The following PTPRD variants were observed in gnomAD, a reference collection of about 807,000 sequenced individuals.
PTPRD encodes receptor-type tyrosine-protein phosphatase delta.
Under a neutral mutation model 214.5 loss-of-function variants are expected in PTPRD, and 34 were observed. The ratio of observed to expected loss-of-function variants is 0.16; its 90% CI spans 0.12 to 0.21. The LOEUF (loss-of-function observed/expected upper bound fraction) is 0.21. Among genes scored for constraint, PTPRD ranks in the 10% least tolerant of loss-of-function variants. The pLI is 1.00. For missense variants in PTPRD, 2,545 were observed against 2,398.7 expected (o/e 1.06, Z -1.27); for synonymous variants, 1,128 against 845.7 (o/e 1.33, Z -5.79).
At chr9:8,766,975 GTA>G (rs1467330651) in intron 11 of PTPRD, among the ~76,000 whole-genome samples, 1 of 152,124 alleles carries the variant, frequency 6.6e-6, no homozygotes, top group African/African-American at 2.4e-5. Context: ...AGGACTTACT[GTA>G]TATGTTTCCT....
intron 3 of PTPRD, among the ~76,000 whole-genome samples, chr9:10,248,695 T>C (rs1351655293): frequency 6.6e-6 from 1 of 152,080 alleles, no homozygotes; most frequent in Non-Finnish European, 1.5e-5. Context: ...ATGTGAGTTC[T>C]TTAGAATACA....
At chr9:9,776,179 G>A (rs1488924299) in intron 5 of PTPRD, among the ~76,000 whole-genome samples, 1 of 152,028 alleles carries the variant, frequency 6.6e-6, no homozygotes, top group South Asian at 2.1e-4. Context: ...GAATATGTAT[G>A]TTCTCTTTCA....
chr9:10,204,731 T>G (rs2099458753), intron 3 of PTPRD, among the ~76,000 whole-genome samples: 1 of 152,160 alleles, frequency 6.6e-6, no homozygotes. Context: ...AATCTGAGAA[T>G]AAAGCGTATA....
chr9:9,396,604 C>T (rs994805902), intron 9 of PTPRD, among the ~76,000 whole-genome samples: 9 of 151,980 alleles, frequency 5.9e-5, no homozygotes, highest in Non-Finnish European at 1.2e-4. Context: ...TTCCTGCCAA[C>T]CAGCTCCCAC....
chr9:9,508,581 T>G (rs1216177783), intron 8 of PTPRD, among the ~76,000 whole-genome samples: 1 of 151,674 alleles, frequency 6.6e-6, no homozygotes, highest in African/African-American at 2.4e-5. Context: ...TTTTGATGAG[T>G]TTCCCTTGCT....
chr9:10,543,093 C>T (rs546087038), intron 2 of PTPRD, among the ~76,000 whole-genome samples: 9 of 151,916 alleles, frequency 5.9e-5, no homozygotes, highest in Admixed American at 3.9e-4. Flanking sequence ...CCACGTTGGT[C>T]GCACTGGTCC....
intron 8 of PTPRD, among the ~76,000 whole-genome samples, chr9:9,572,795 G>C (rs192464119): frequency 6.6e-6 from 1 of 151,068 alleles, no homozygotes; most frequent in Non-Finnish European, 1.5e-5. Context: ...AGAAATAAGA[G>C]CAAAAACAAA....
At chr9:9,675,431 A>G (rs1007799322) in intron 7 of PTPRD, among the ~76,000 whole-genome samples, 2 of 151,848 alleles carry the variant, frequency 1.3e-5, no homozygotes, top group Non-Finnish European at 2.9e-5. Flanking sequence ...AATAATACAG[A>G]GAAGATCAAC....
chr9:9,554,092 G>A (rs982591697), intron 8 of PTPRD, among the ~76,000 whole-genome samples: 3 of 152,064 alleles, frequency 2.0e-5, no homozygotes, highest in Admixed American at 6.6e-5. Context: ...CACCTTTTAC[G>A]CTTTCATATG....
chr9:8,887,015 T>C (rs2098496432), intron 11 of PTPRD, among the ~76,000 whole-genome samples: 1 of 152,230 alleles, frequency 6.6e-6, no homozygotes. Context: ...TTAAAGCATA[T>C]GGCATTACTC....
At chr9:8,914,364 C>G (rs537374355) in intron 11 of PTPRD, among the ~76,000 whole-genome samples, 2 of 152,184 alleles carry the variant, frequency 1.3e-5, no homozygotes, top group Non-Finnish European at 2.9e-5. Context: ...GCCATTTGTT[C>G]TGTTTTGCCA....
chr9:10,396,651 G>C (rs538519316), intron 2 of PTPRD, among the ~76,000 whole-genome samples: 1 of 151,932 alleles, frequency 6.6e-6, no homozygotes, highest in Non-Finnish European at 1.5e-5. Flanking sequence ...ATGGAAATAC[G>C]AGTAAAGCAC....
chr9:8,481,885 C>A (rs1320859680), intron 30 of PTPRD, among the ~76,000 whole-genome samples: 1 of 152,136 alleles, frequency 6.6e-6, no homozygotes, highest in African/African-American at 2.4e-5. Context: ...CAGGTTCAAG[C>A]GATTCTCCCG....
chr9:9,973,301 CAAAAAAAAAAA>C (rs747369676), intron 4 of PTPRD, among the ~76,000 whole-genome samples: 1 of 74,200 alleles, frequency 1.3e-5, no homozygotes. Flanking sequence ...CCTTGTCTTT[CAAAAAAAAAAA>C]AAAAAAAAAA....
chr9:8,368,551 G>A (rs371218269), intron 39 of PTPRD, among the ~76,000 whole-genome samples: 6 of 152,010 alleles, frequency 3.9e-5, no homozygotes, highest in African/African-American at 9.7e-5. Context: ...TATCTATTAT[G>A]CTTCTTTTCA....
At chr9:10,086,472 T>A (rs935154314) in intron 3 of PTPRD, among the ~76,000 whole-genome samples, 16 of 151,810 alleles carry the variant, frequency 1.1e-4, no homozygotes, top group Non-Finnish European at 1.9e-4. Context: ...TGGTATGAAG[T>A]GGAAAGCGAA....
chr9:8,458,667 T>C (rs1234177201), intron 33 of PTPRD, among the ~76,000 whole-genome samples: 2 of 152,140 alleles, frequency 1.3e-5, no homozygotes, highest in Non-Finnish European at 2.9e-5. Context: ...AAACAGGGTC[T>C]ATGATTACTC....
Position 10,002,980 on chromosome 9 carries a change from T to C in PTPRD, c.-472+30738A>G, listed in dbSNP as rs1349947815. On this transcript the variant is annotated intron_variant, in intron 4 of 45. Coordinates refer to ENST00000381196, the MANE Select transcript of PTPRD (RefSeq NM_002839.4). ...AAATAATTAAAAATTTAAATTTAAA[T>C]GAAAGACCACCAACTAAAATGAGAT... Among the ~76,000 whole-genome samples, 5 of 151,576 alleles carry C rather than the reference T, an allele frequency of 3.3e-5. No individual in the cohort carries two copies. In the East Asian group the frequency reaches 9.6e-4, roughly 29 times the overall value.
chr9:9,849,197 C>T (rs1341665634), intron 5 of PTPRD, among the ~76,000 whole-genome samples: 1 of 151,998 alleles, frequency 6.6e-6, no homozygotes, highest in Non-Finnish European at 1.5e-5. Context: ...CCCTGGGCTA[C>T]TCACAATGAA....
Sources: allele counts gnomAD v4.1 joint callset (sites outside exome capture counted in the v4.1 genomes callset), GRCh38; gene constraint gnomAD v4.1.1; transcripts MANE v1.5; gene names NCBI Gene and HGNC (gene_info 2026-07-23, HGNC 2026-07-21).